The following CENPT variants were observed in gnomAD, a reference collection of about 807,000 sequenced individuals.
The protein encoded by CENPT is interphase centromere complex protein 22.
In CENPT, 42 loss-of-function variants were observed where a neutral mutation model predicts 59.7. That is an observed-to-expected ratio of 0.70 (90% CI 0.55 to 0.91). The LOEUF is 0.91. CENPT is among the 40% of genes least tolerant of loss of function. The pLI is 0.00. For synonymous variants in CENPT, 295 were observed against 289.6 expected (o/e 1.02, Z -0.19); for missense variants, 716 against 713.4 (o/e 1.00, Z -0.04).
chr16:67,842,947 GCA>G lies in CENPT; in HGVS notation c.-492+4452_-492+4453del. On this transcript the variant is annotated intron_variant, in intron 1 of 15. Transcript: ENST00000562787. The surrounding 1 kb of genome is among the most constrained non-coding windows in gnomAD (Gnocchi z 4.9). ...AGCAGCAGCAGCAGCAGCAGCAGCA[GCA>G]GTCCTCACCCTCTGCCTCCACTGCC... is the stretch of plus-strand genomic sequence containing the variant. The G allele has an allele frequency of 6.2e-7, 1 of 1,600,936 alleles. No homozygotes were observed. Among genetic ancestry groups the G allele is most frequent in the African/African-American group, 1.3e-5 (1 of 74,486 alleles).
intron 1 of CENPT, among the ~76,000 whole-genome samples, chr16:67,846,444 G>A (rs1223462510): frequency 6.6e-6 from 1 of 152,248 alleles, no homozygotes; most frequent in African/African-American, 2.4e-5. Flanking sequence ...GGAGCTGTGC[G>A]TTCCGCCCGG....
At position 67,828,505 on chromosome 16, in the gene CENPT, TCA is replaced by T. The variant is rs1294134171; in HGVS notation, c.1529_1530del (p.Val510GlufsTer17). The T allele has an allele frequency of 6.2e-7, 1 of 1,614,072 alleles. No homozygotes were observed. The highest frequency in any genetic ancestry group is 8.5e-7 in the Non-Finnish European group (1 of 1,180,026). On this transcript the variant is annotated frameshift_variant, in exon 15 of 16. Coordinates refer to ENST00000562787, the MANE Select transcript of CENPT (RefSeq NM_025082.4). LOFTEE classifies it high-confidence loss of function. ...ATCAGCAGCTCCAGGTCCTCTGGCT[TCA>T]CAGTCTTGCGGCCAGCATGAGCAGC... ...VFAAHAGRKT[V>X]KPEDLELLMR...
intron 10 of CENPT, chr16:67,830,850 T>A: frequency 1.9e-6 from 1 of 513,820 alleles, no homozygotes; most frequent in Non-Finnish European, 3.5e-6. Flanking sequence ...TTCTGCTCCG[T>A]CTTCCCAAAC....
chr16:67,847,438 C>A lies in CENPT; in HGVS notation c.-529G>T, dbSNP rs1437397286. The A allele has an allele frequency of 1.3e-5, 2 of 152,312 alleles. No individual in the cohort carries two copies. The highest frequency in any genetic ancestry group is 2.9e-5 in the Non-Finnish European group (2 of 68,132). The allele number at this position is 152,312 out of a possible 1,614,324, so 9.4% of individuals were successfully genotyped here. A position where few individuals can be genotyped will look rare whatever the true frequency, so the allele number is the denominator to read the frequency against. ...CGGGGATGGGCAGCGCCACCCGGCC[C>A]GCTCCAGAGTCAGCATGGGTAAGGG... On this transcript the variant is annotated 5_prime_UTR_variant, in exon 1 of 16. Coordinates refer to ENST00000562787, the MANE Select transcript of CENPT (RefSeq NM_025082.4).
intron 1 of CENPT, among the ~76,000 whole-genome samples, chr16:67,837,215 C>T (rs574498464): frequency 9.4e-4 from 142 of 151,856 alleles, no homozygotes; most frequent in Non-Finnish European, 1.5e-3. Flanking sequence ...CTCTGTCACC[C>T]GCGCTGGAGT....
At chr16:67,841,764 C>G (rs760400896) in intron 1 of CENPT, 3 of 152,268 alleles carry the variant, frequency 2.0e-5, no homozygotes, top group Non-Finnish European at 4.4e-5. Context: ...CAGGCAGCAG[C>G]TGAATCAGGA....
At position 67,830,469 on chromosome 16, in the gene CENPT, C is replaced by G; in HGVS notation, c.783G>C (p.Thr261=). The change falls in exon 11 of 16, where the codon ACG becomes ACC. Residue 261 remains threonine (T), a synonymous_variant. Coordinates refer to ENST00000562787, the MANE Select transcript of CENPT (RefSeq NM_025082.4). ...SPNVYHSLPC[T]PHTGAEDAEQ... is the part of the protein sequence containing the mutation. ...CAGCGTCTTCAGCCCCAGTGTGAGG[C>G]GTGCAGGGCAGGGAGTGATACACGT... is the stretch of plus-strand genomic sequence containing the variant. The G allele has an allele frequency of 6.2e-7, 1 of 1,614,134 alleles. No homozygotes were observed. Among genetic ancestry groups the G allele is most frequent in the Non-Finnish European group, 8.5e-7 (1 of 1,180,002 alleles).
Position 67,828,278 on chromosome 16 carries a change from G to C in CENPT, c.1675C>G (p.Pro559Ala), listed in dbSNP as rs751654743. ...PCAYSGNSVF[P>A]AQ ...TTGAAGCCTGGCCACTACTGGGCAG[G>C]GAAGACAGAGTTGCCACTGTATGCA... The change falls in exon 16 of 16, where the codon CCT becomes GCT. Residue 559 changes from proline (P) to alanine (A), a missense_variant. By Grantham distance (27) the Pro-to-Ala change is conservative. Transcript: ENST00000562787. 6.3e-7 allele frequency: 1 copy of C among 1,596,236 alleles called. No homozygotes were observed. Among genetic ancestry groups the C allele is most frequent in the Non-Finnish European group, 8.6e-7 (1 of 1,167,728 alleles).
chr16:67,830,163 G>A (rs2151284221), intron 11 of CENPT, 75 bp from the exon 12 acceptor site: 1 of 1,447,082 alleles, frequency 6.9e-7, no homozygotes, highest in South Asian at 1.2e-5. Context: ...GGGTAAAGAT[G>A]GACCAGCAGA....
At position 67,843,629 on chromosome 16, in the gene CENPT, T is replaced by A. The variant is rs913643819; in HGVS notation, c.-492+3772A>T. On this transcript the variant is annotated intron_variant, in intron 1 of 15. Transcript: ENST00000562787. The surrounding 1 kb of genome is among the most constrained non-coding windows in gnomAD (Gnocchi z 5.7). ...GAGGCTTAAGGCAGCTGGACTCTCT[T>A]GCTGGTGACCTGGCATCCTCAATTG... 3.2e-6 allele frequency: 3 copies of A among 938,684 alleles called. No individual in the cohort carries two copies. In the African/African-American group the frequency reaches 5.0e-5, roughly 16 times the overall value. 58.1% of individuals were successfully genotyped at this position (938,684 alleles called of 1,614,324 possible).
chr16:67,840,847 T>C (rs1186062610), intron 1 of CENPT, among the ~76,000 whole-genome samples: 1 of 151,630 alleles, frequency 6.6e-6, no homozygotes, highest in African/African-American at 2.4e-5. Flanking sequence ...CACAACATTT[T>C]GTGTTCTTTA....
At chr16:67,844,238 G>A (rs1470608197) in intron 1 of CENPT, 1 of 164,766 alleles carries the variant, frequency 6.1e-6, no homozygotes, top group Non-Finnish European at 1.5e-5. Flanking sequence ...ATAGTTAAAT[G>A]TCCTTGAAAC....
chr16:67,834,603 C>T (rs2057723438), intron 3 of CENPT, among the ~76,000 whole-genome samples: 1 of 151,966 alleles, frequency 6.6e-6, no homozygotes, highest in Non-Finnish European at 1.5e-5. Flanking sequence ...AGAGAGAGAC[C>T]CTGTATCAAA....
chr16:67,838,840 T>C (rs1334744732), intron 1 of CENPT, among the ~76,000 whole-genome samples: 1 of 150,548 alleles, frequency 6.6e-6, no homozygotes, highest in African/African-American at 2.5e-5. Context: ...GGCAGGAAAA[T>C]CGTGTGAACT....
rs773580230 is a variant in CENPT at position 67,842,836 on chromosome 16, C to T, written c.-492+4565G>A. The T allele has an allele frequency of 1.9e-6, 3 of 1,608,652 alleles. No homozygotes were observed. The highest frequency in any genetic ancestry group is 2.2e-5 in the East Asian group (1 of 44,764). On this transcript the variant is annotated intron_variant, in intron 1 of 15. Transcript: ENST00000562787. The surrounding 1 kb of genome is among the most constrained non-coding windows in gnomAD (Gnocchi z 4.9). ...ATGAGCGCAAAGTAGCGCGCAGACCCGCTGGGGCCGCGGCCGCCCGCCGCA... is the reference window on the plus strand; with the variant it reads ...ATGAGCGCAAAGTAGCGCGCAGACCTGCTGGGGCCGCGGCCGCCCGCCGCA...
In CENPT at chr16:67,846,508, GGGGAGGGGGTTT is replaced by G. The variant is rs2057799782; in HGVS notation, c.-492+881_-492+892del. 5.9e-5 allele frequency among the ~76,000 whole-genome samples: 9 copies of G among 152,386 alleles called. No homozygotes were observed. In the East Asian group the frequency reaches 1.7e-3, roughly 29 times the overall value. On this transcript the variant is annotated intron_variant, in intron 1 of 15. Coordinates refer to ENST00000562787, the MANE Select transcript of CENPT (RefSeq NM_025082.4). ...GTAACAGCGGCAGCCATAGCCCCAAGGGGAGGGGGTTTCGTGAGCGGAAACGGCCCAGGGGCC... is the reference window on the plus strand; with the variant it reads ...GTAACAGCGGCAGCCATAGCCCCAAGCGTGAGCGGAAACGGCCCAGGGGCC...
At chr16:67,831,730 C>A in intron 8 of CENPT, 24 bp downstream of exon 8, 1 of 1,582,800 alleles carries the variant, frequency 6.3e-7, no homozygotes, top group South Asian at 1.2e-5. Context: ...GAGAGGGTAG[C>A]AAAAGTGGTG....
At chr16:67,837,762 G>T (rs1442790999) in intron 1 of CENPT, among the ~76,000 whole-genome samples, 1 of 152,120 alleles carries the variant, frequency 6.6e-6, no homozygotes, top group Non-Finnish European at 1.5e-5. Context: ...GTAGTATTCT[G>T]TTTGTTCACA....
At chr16:67,831,465 G>A in intron 9 of CENPT, 107 bp from the exon 10 acceptor site, 2 of 1,571,636 alleles carry the variant, frequency 1.3e-6, no homozygotes, top group Non-Finnish European at 1.7e-6. Flanking sequence ...CAGATGCTGT[G>A]AGGCTAAAAC....
Sources: allele counts gnomAD v4.1 joint callset (sites outside exome capture counted in the v4.1 genomes callset), GRCh38; gene constraint gnomAD v4.1.1; non-coding constraint Gnocchi (gnomAD v3.1); transcripts MANE v1.5; gene names NCBI Gene and HGNC (gene_info 2026-07-23, HGNC 2026-07-21).